Variants in CNKSR3 observed in about 807,000 individuals in gnomAD.
CNKSR3 encodes CNKSR family member 3.
CNKSR3 carries 36 observed loss-of-function variants against 67.7 expected under a neutral mutation model. That is an observed-to-expected ratio of 0.53 (90% confidence interval 0.41 to 0.70). The LOEUF is 0.70. Among genes scored for constraint, CNKSR3 ranks in the 30% least tolerant of loss-of-function variants. CNKSR3 has a pLI of 0.00. For missense variants in CNKSR3, 630 were observed against 695.2 expected (o/e 0.91, Z 1.05); for synonymous variants, 281 against 271.4 (o/e 1.04, Z -0.35).
intron 1 of CNKSR3, among the ~76,000 whole-genome samples, chr6:154,472,941 G>A (rs1378696526): frequency 6.6e-6 from 1 of 152,104 alleles, no homozygotes; most frequent in African/African-American, 2.4e-5. Context: ...TAAACTAAGT[G>A]AGGTATCGAG....
rs35967482 is a variant in CNKSR3 at position 154,391,130 on chromosome 6, T to C, written c.*15224A>G. Reference sequence around the variant, plus strand: ...GCCTCTTTCTTTAGTGTGTAGCTGGTTTTCTTCTCCCCGACTTCACATGGT... The same window carrying C: ...GCCTCTTTCTTTAGTGTGTAGCTGGCTTTCTTCTCCCCGACTTCACATGGT... On this transcript the variant is annotated 3_prime_UTR_variant, in exon 13 of 13. Coordinates refer to ENST00000607772, the MANE Select transcript of CNKSR3 (RefSeq NM_173515.4). 0.11 allele frequency: 16,349 copies of C among 152,038 alleles called. 1,183 individuals are homozygous for C. The highest frequency in any genetic ancestry group is 0.24 in the Admixed American group (3,684 of 15,276). The allele number at this position is 152,038 out of a possible 1,614,324, so 9.4% of individuals were successfully genotyped here.
intron 5 of CNKSR3, among the ~76,000 whole-genome samples, chr6:154,432,229 T>G (rs545919326): frequency 6.6e-6 from 1 of 152,322 alleles, no homozygotes; most frequent in East Asian, 1.9e-4. Context: ...ATCTCATTGT[T>G]GTTTTAATTT....
chr6:154,431,600 G>A (rs1480287721), intron 5 of CNKSR3, among the ~76,000 whole-genome samples: 4 of 151,940 alleles, frequency 2.6e-5, no homozygotes, highest in African/African-American at 9.7e-5. Context: ...CTTCATTACA[G>A]TATCATATAG....
Position 154,397,502 on chromosome 6 carries a change from T to C in CNKSR3, c.*8852A>G, listed in dbSNP as rs1372138380. 1 of 152,238 alleles carries C rather than the reference T, an allele frequency of 6.6e-6. No homozygotes were observed. Among genetic ancestry groups the C allele is most frequent in the Non-Finnish European group, 1.5e-5 (1 of 68,042 alleles). The allele number at this position is 152,238 out of a possible 1,614,324, so 9.4% of individuals were successfully genotyped here. The stretch of plus-strand genomic sequence containing the variant: ...GGCATGGCCATGAACACAAACAATA[T>C]AAAATGCCAATTTAACCAATCCACC... On this transcript the variant is annotated 3_prime_UTR_variant, in exon 13 of 13. Transcript: ENST00000607772.
intron 10 of CNKSR3, among the ~76,000 whole-genome samples, chr6:154,413,621 T>C (rs1458592216): frequency 2.6e-5 from 4 of 152,150 alleles, no homozygotes; most frequent in African/African-American, 9.7e-5. Context: ...ATACTTATTA[T>C]CTACCCCCTC....
At chr6:154,496,417 C>A (rs534504737) in intron 1 of CNKSR3, among the ~76,000 whole-genome samples, 1 of 142,978 alleles carries the variant, frequency 7.0e-6, no homozygotes, top group African/African-American at 2.5e-5. Context: ...CCACAGCAGC[C>A]CGCAGGAGAG....
At chr6:154,456,683 G>A (rs966139350) in intron 1 of CNKSR3, among the ~76,000 whole-genome samples, 3 of 118,916 alleles carry the variant, frequency 2.5e-5, no homozygotes, top group South Asian at 2.9e-4. Context: ...CTCCAGCCTA[G>A]GTGACAAGAA....
rs534392204 is a variant in CNKSR3 at position 154,477,761 on chromosome 6, C to G, written c.53-27503G>C. On this transcript the variant is annotated intron_variant, in intron 1 of 12. Transcript: ENST00000607772. ...GCAGGACTGCTAATGGACTCCCAATCAATGTGCATGGAGGCTCTCCCTAAA... is the reference window on the plus strand; with the variant it reads ...GCAGGACTGCTAATGGACTCCCAATGAATGTGCATGGAGGCTCTCCCTAAA... 1.8e-4 allele frequency among the ~76,000 whole-genome samples: 28 copies of G among 152,320 alleles called. 1 individual carries two copies. In the South Asian group the frequency reaches 5.4e-3, roughly 29 times the overall value.
At chr6:154,498,449 CA>C (rs1562359065) in intron 1 of CNKSR3, among the ~76,000 whole-genome samples, 1 of 151,898 alleles carries the variant, frequency 6.6e-6, no homozygotes, top group East Asian at 1.9e-4. Context: ...AAAAAAATGA[CA>C]AAAATCAGAA....
intron 7 of CNKSR3, among the ~76,000 whole-genome samples, chr6:154,425,990 G>C (rs1785246275): frequency 1.3e-5 from 2 of 152,228 alleles, no homozygotes; most frequent in African/African-American, 4.8e-5. Flanking sequence ...CCTGGGAGAA[G>C]TGGGCTCTCA....
intron 1 of CNKSR3, among the ~76,000 whole-genome samples, chr6:154,482,219 G>A (rs1309966847): frequency 3.3e-5 from 5 of 152,106 alleles, no homozygotes; most frequent in African/African-American, 7.2e-5. Flanking sequence ...AGGCCACCTC[G>A]CACTTTAATA....
chr6:154,453,347 G>A (rs991364139), intron 1 of CNKSR3, among the ~76,000 whole-genome samples: 3 of 152,196 alleles, frequency 2.0e-5, no homozygotes, highest in African/African-American at 4.8e-5. Flanking sequence ...TGAGATGGGA[G>A]GAATGGTGAG....
chr6:154,502,964 G>A (rs1340668724), intron 1 of CNKSR3, among the ~76,000 whole-genome samples: 1 of 152,214 alleles, frequency 6.6e-6, no homozygotes, highest in Non-Finnish European at 1.5e-5. Context: ...CTCACAATAA[G>A]GGGAATGCAC....
At chr6:154,441,965 A>T in intron 3 of CNKSR3, 123 bp downstream of exon 3, 2 of 924,762 alleles carry the variant, frequency 2.2e-6, no homozygotes, top group Non-Finnish European at 3.2e-6. Flanking sequence ...AGGACTCCTT[A>T]AGAGCCGGTA....
At chr6:154,496,057 C>A (rs1468051736) in intron 1 of CNKSR3, among the ~76,000 whole-genome samples, 1 of 152,178 alleles carries the variant, frequency 6.6e-6, no homozygotes, top group Non-Finnish European at 1.5e-5. Flanking sequence ...ACTTACCTGG[C>A]CACCTGTTAG....
At chr6:154,472,647 G>A (rs771033790) in intron 1 of CNKSR3, among the ~76,000 whole-genome samples, 1 of 152,104 alleles carries the variant, frequency 6.6e-6, no homozygotes, top group East Asian at 1.9e-4. Flanking sequence ...ACATCATGCC[G>A]CCAACAGCTA....
intron 5 of CNKSR3, among the ~76,000 whole-genome samples, chr6:154,431,440 C>CAAAA (rs34060385): frequency 4.3e-5 from 4 of 93,536 alleles, no homozygotes; most frequent in Admixed American, 1.2e-4. Context: ...GAGACTCTGT[C>CAAAA]AAAAAAAAAA....
chr6:154,421,465 A>G (rs371186301), intron 9 of CNKSR3, among the ~76,000 whole-genome samples: 1 of 152,232 alleles, frequency 6.6e-6, no homozygotes, highest in African/African-American at 2.4e-5. Flanking sequence ...ATAAACCATA[A>G]TCTCAATCTT....
intron 1 of CNKSR3, among the ~76,000 whole-genome samples, chr6:154,471,057 A>G (rs1030951778): frequency 6.6e-6 from 1 of 152,194 alleles, no homozygotes; most frequent in African/African-American, 2.4e-5. Context: ...ACAGAAACTA[A>G]ATACCAGACA....
Sources: allele counts gnomAD v4.1 joint callset (sites outside exome capture counted in the v4.1 genomes callset), GRCh38; gene constraint gnomAD v4.1.1; transcripts MANE v1.5; gene names NCBI Gene and HGNC (gene_info 2026-07-23, HGNC 2026-07-21).